Variants in MAP3K13 observed in about 807,000 individuals in gnomAD.
MAP3K13 encodes mitogen-activated protein kinase kinase kinase 13.
In MAP3K13, 52 loss-of-function variants were observed where a neutral mutation model predicts 104.0. The ratio of observed to expected loss-of-function variants is 0.50; its 90% confidence interval spans 0.40 to 0.63. The LOEUF (loss-of-function observed/expected upper bound fraction) is 0.63. MAP3K13 is among the 20% of genes least tolerant of loss of function. MAP3K13 has a pLI of 0.00. For missense variants in MAP3K13, 914 were observed against 1,218.5 expected (o/e 0.75, Z 3.72); for synonymous variants, 394 against 442.2 (o/e 0.89, Z 1.37).
At chr3:185,440,216 T>C (rs1246917175) in intron 3 of MAP3K13, among the ~76,000 whole-genome samples, 2 of 152,132 alleles carry the variant, frequency 1.3e-5, no homozygotes, top group African/African-American at 2.4e-5. Context: ...AAGGTAGCAA[T>C]TAGAAGTGAT....
intron 1 of MAP3K13, among the ~76,000 whole-genome samples, chr3:185,387,486 A>G (rs745940706): frequency 6.6e-6 from 1 of 152,170 alleles, no homozygotes; most frequent in Non-Finnish European, 1.5e-5. Flanking sequence ...CATCAGAATC[A>G]GGAGCCAGGG....
At chr3:185,438,633 T>C (rs1457717725) in intron 3 of MAP3K13, among the ~76,000 whole-genome samples, 1 of 152,218 alleles carries the variant, frequency 6.6e-6, no homozygotes, top group African/African-American at 2.4e-5. Context: ...TTCATAATAT[T>C]GCCTGGGATC....
intron 2 of MAP3K13, among the ~76,000 whole-genome samples, chr3:185,314,483 A>T (rs985617686): frequency 8.6e-5 from 13 of 151,892 alleles, no homozygotes; most frequent in African/African-American, 2.9e-4. Flanking sequence ...GGGCATCGTG[A>T]TGCATGCCTG....
chr3:185,312,327 A>G (rs1007002020), intron 2 of MAP3K13, among the ~76,000 whole-genome samples: 2 of 152,172 alleles, frequency 1.3e-5, no homozygotes, highest in Non-Finnish European at 2.9e-5. Context: ...ATCAGTTCCA[A>G]TTTTGTTTCT....
intron 7 of MAP3K13, among the ~76,000 whole-genome samples, chr3:185,454,977 G>GAT (rs1468455106): frequency 2.0e-4 from 9 of 45,406 alleles, no homozygotes; most frequent in East Asian, 1.1e-3. Flanking sequence ...ATATATATAT[G>GAT]ATATATATGA....
intron 1 of MAP3K13, among the ~76,000 whole-genome samples, chr3:185,425,883 A>G (rs1054743134): frequency 6.6e-6 from 1 of 152,216 alleles, no homozygotes; most frequent in South Asian, 2.1e-4. Context: ...CATCTTTTAC[A>G]TATCTTTGTC....
chr3:185,333,961 A>G (rs1297668694), intron 2 of MAP3K13, among the ~76,000 whole-genome samples: 17 of 152,016 alleles, frequency 1.1e-4, no homozygotes. Context: ...GGGTGAGGTG[A>G]GAGGATCGCT....
upstream of MAP3K13, chr3:185,362,931 ACACACACACACACACACACACACACG>A (rs960606863): frequency 1.2e-4 from 4 of 32,046 alleles, no homozygotes; most frequent in Non-Finnish European, 3.2e-4. Flanking sequence ...ACAGCTTGAA[ACACACACACACACACACACACACACG>A]CACACACACA....
intron 7 of MAP3K13, among the ~76,000 whole-genome samples, chr3:185,451,984 A>G (rs1325967640): frequency 6.6e-6 from 1 of 152,168 alleles, no homozygotes; most frequent in Non-Finnish European, 1.5e-5. Context: ...GAAGATAAGA[A>G]AGCTGTAATG....
Position 185,284,665 on chromosome 3 carries a change from G to A in MAP3K13, c.-204-860G>A, listed in dbSNP as rs571010117. On this transcript the variant is annotated intron_variant, in intron 1 of 14. Coordinates refer to the MAP3K13 transcript ENST00000424227. ...GGGAGGGGGAGGTTGCAGGAGCAGA[G>A]GTTGTGCCACTGCACTCCAGCCTGG... Among the ~76,000 whole-genome samples, 3 of 152,062 alleles carry A rather than the reference G, an allele frequency of 2.0e-5. No homozygotes were observed. The East Asian group carries it at 5.8e-4, about 29-fold the overall frequency.
At chr3:185,369,877 T>C (rs1724070614) in intron 1 of MAP3K13, among the ~76,000 whole-genome samples, 1 of 152,220 alleles carries the variant, frequency 6.6e-6, no homozygotes, top group Non-Finnish European at 1.5e-5. Context: ...TCTCTTTACC[T>C]ACTGCAAGGC....
chr3:185,368,510 A>G (rs545776262), intron 1 of MAP3K13, among the ~76,000 whole-genome samples: 6 of 152,168 alleles, frequency 3.9e-5, no homozygotes, highest in Non-Finnish European at 8.8e-5. Context: ...GGTGCAGTGG[A>G]AGGTAAGAAG....
At position 185,454,355 on chromosome 3, in the gene MAP3K13, GAT is replaced by G. The variant is rs761477126; in HGVS notation, c.1278+2967_1278+2968del. On this transcript the variant is annotated intron_variant, in intron 7 of 13. Coordinates refer to ENST00000265026, the MANE Select transcript of MAP3K13 (RefSeq NM_004721.5). ...TATATGATATATATGAGATATATGA[GAT>G]ATATATGAGATATATATATGAGATA... Among the ~76,000 whole-genome samples, 8 of 11,822 alleles carry G rather than the reference GAT, an allele frequency of 6.8e-4. 2 individuals are homozygous for G. Among genetic ancestry groups the G allele is most frequent in the Admixed American group, 1.4e-3 (1 of 696 alleles). 7.8% of individuals were successfully genotyped at this position (11,822 alleles called of 152,430 possible). A position where few individuals can be genotyped will look rare whatever the true frequency, so the allele number is the denominator to read the frequency against.
At chr3:185,430,878 A>C (rs1266837021) in intron 2 of MAP3K13, among the ~76,000 whole-genome samples, 1 of 152,194 alleles carries the variant, frequency 6.6e-6, no homozygotes, top group Non-Finnish European at 1.5e-5. Context: ...TGCTCTAAGG[A>C]TCTACCTGAG....
intron 11 of MAP3K13, chr3:185,477,124 T>C: frequency 1.5e-6 from 1 of 675,252 alleles, no homozygotes; most frequent in South Asian, 1.5e-5. Context: ...CAGCATCTCA[T>C]GCAGGCCCGC....
intron 3 of MAP3K13, among the ~76,000 whole-genome samples, chr3:185,441,036 G>C (rs185580438): frequency 2.0e-5 from 3 of 152,270 alleles, no homozygotes; most frequent in East Asian, 1.9e-4. Flanking sequence ...AAGCTAAAAG[G>C]GAGGCAGTAT....
intron 1 of MAP3K13, among the ~76,000 whole-genome samples, chr3:185,395,251 G>A (rs1376751364): frequency 3.3e-5 from 5 of 150,728 alleles, no homozygotes; most frequent in Non-Finnish European, 5.9e-5. Context: ...ACCATTGCAT[G>A]CTTCCAGAAT....
Position 185,463,614 on chromosome 3 carries a change from A to G in MAP3K13, c.1343A>G (p.His448Arg). The change falls in exon 8 of 14, where the codon CAC becomes CGC. Residue 448 changes from histidine (H) to arginine (R), a missense_variant. Physicochemically the swap from His to Arg is conservative, Grantham distance 29 (BLOSUM62 0). Transcript: ENST00000265026. Reference protein sequence around the residue: ...EKIKSEGTCIHRLDEELIRRR... With the variant: ...EKIKSEGTCIRRLDEELIRRR... ...ATCAAAAGTGAAGGAACTTGTATAC[A>G]CCGGTTAGATGAAGAACTGATTCGA... 3 of 1,613,400 alleles carry G rather than the reference A, an allele frequency of 1.9e-6. No homozygotes were observed. The highest frequency in any genetic ancestry group is 2.5e-6 in the Non-Finnish European group (3 of 1,179,474).
At chr3:185,328,882 G>A (rs1055238170) in intron 2 of MAP3K13, 3 of 248,674 alleles carry the variant, frequency 1.2e-5, no homozygotes, top group Admixed American at 4.7e-5. Context: ...CAGCCAGGAA[G>A]GGAGCAAAGT....
Sources: allele counts gnomAD v4.1 joint callset (sites outside exome capture counted in the v4.1 genomes callset), GRCh38; gene constraint gnomAD v4.1.1; transcripts MANE v1.5; gene names NCBI Gene and HGNC (gene_info 2026-07-23, HGNC 2026-07-21).